GNL3L: variants seen among roughly 807,000 people sequenced by gnomAD.
GNL3L encodes the protein G protein nucleolar 3 like.
GNL3L carries 4 observed loss-of-function variants against 42.9 expected under a neutral mutation model. The ratio of observed to expected loss-of-function variants is 0.09; its 90% CI spans 0.05 to 0.21. The LOEUF is 0.21. GNL3L is among the 10% of genes least tolerant of loss of function. The pLI is 1.00. For missense variants in GNL3L, 412 were observed against 481.7 expected (o/e 0.86, Z 1.36); for synonymous variants, 159 against 176.3 (o/e 0.90, Z 0.78).
At chrX:54,540,337 G>C in intron 4 of GNL3L, 95 bp downstream of exon 4, 2 of 547,769 alleles carry the variant, frequency 3.7e-6, no homozygotes, top group Non-Finnish European at 6.4e-6. Flanking sequence ...AGAGTTGTTA[G>C]GGTTGTTGAG....
At chrX:54,595,001 T>G (rs1925915844) in intron 16 of GNL3L, among the ~76,000 whole-genome samples, 1 of 112,395 alleles carries the variant, frequency 8.9e-6, no homozygotes, top group South Asian at 3.6e-4. Context: ...CTAGTTATTA[T>G]TTTTGATTGG....
intron 14 of GNL3L, among the ~76,000 whole-genome samples, chrX:54,555,742 A>T (rs1925078350): frequency 9.8e-6 from 1 of 101,634 alleles, no homozygotes; most frequent in African/African-American, 3.7e-5. Flanking sequence ...CGGCCTCCCA[A>T]AGTGCTGGGA....
the GNL3L span, among the ~76,000 whole-genome samples, chrX:54,639,428 T>A: frequency 1.8e-5 from 2 of 112,323 alleles, no homozygotes; most frequent in African/African-American, 6.5e-5. Context: ...CCCAGTGTAC[T>A]TGCACTCGCA....
rs989750334 is a variant in GNL3L, at chrX:54,565,664, A to G, written c.*5062A>G. Reference sequence around the variant, plus strand: ...TTTTTGACATTAAGTATGTGGTGGTATCTCATCGTTTTTATTTGCATCCTC... The same window carrying G: ...TTTTTGACATTAAGTATGTGGTGGTGTCTCATCGTTTTTATTTGCATCCTC... On this transcript the variant is annotated 3_prime_UTR_variant, in exon 16 of 16. Coordinates refer to ENST00000360845, the MANE Select transcript of GNL3L (RefSeq NM_001184819.2). Among the ~76,000 whole-genome samples, 1 of 109,933 alleles carries G rather than the reference A, an allele frequency of 9.1e-6. No homozygotes were observed. The highest frequency in any genetic ancestry group is 1.9e-5 in the Non-Finnish European group (1 of 52,841).
intron 16 of GNL3L, among the ~76,000 whole-genome samples, chrX:54,593,701 T>C (rs919457855): frequency 2.7e-5 from 3 of 111,313 alleles, no homozygotes; most frequent in Non-Finnish European, 5.7e-5. Context: ...GTAAGTTGTT[T>C]AAGTTTTTCT....
rs996502210 is a variant in GNL3L, at chrX:54,562,978, C to T, written c.*2376C>T. On this transcript the variant is annotated 3_prime_UTR_variant, in exon 16 of 16. Transcript: ENST00000360845. ...TTGTGCCAGTCTCTGTTATCAAGTC[C>T]GTTAAATGCATTTAACGTTAAATTT... Among the ~76,000 whole-genome samples the T allele has an allele frequency of 2.7e-5, 3 of 110,792 alleles. No individual in the cohort carries two copies. Among genetic ancestry groups the T allele is most frequent in the Non-Finnish European group, 3.8e-5 (2 of 53,022 alleles).
At chrX:54,546,733 G>A (rs1395977348) in intron 8 of GNL3L, among the ~76,000 whole-genome samples, 2 of 111,369 alleles carry the variant, frequency 1.8e-5, no homozygotes, top group African/African-American at 6.5e-5. Flanking sequence ...TGCAACTTCT[G>A]CCTCCTGGGT....
chrX:54,607,000 CTT>C (rs1426995080), intron 16 of GNL3L, among the ~76,000 whole-genome samples: 1 of 23,774 alleles, frequency 4.2e-5, no homozygotes, highest in Non-Finnish European at 8.6e-5. Flanking sequence ...CCTTTCCTTT[CTT>C]TCTTTCTTTC....
intron 8 of GNL3L, 38 bp downstream of exon 8, chrX:54,544,364 G>A: frequency 1.4e-6 from 1 of 727,930 alleles, no homozygotes; most frequent in Non-Finnish European, 2.1e-6. Flanking sequence ...CGCTTTCAGG[G>A]TAGTTTGGGG....
chrX:54,602,780 C>T (rs1483078386), intron 16 of GNL3L, among the ~76,000 whole-genome samples: 1 of 110,939 alleles, frequency 9.0e-6, no homozygotes, highest in African/African-American at 3.3e-5. Flanking sequence ...TGCTAACAGC[C>T]GAGAGCTAGC....
At position 54,612,200 on chromosome X, in the gene GNL3L, T is replaced by C. The variant is rs765525475; in HGVS notation, c.*46-8645T>C. Among the ~76,000 whole-genome samples the C allele has an allele frequency of 1.6e-3, 179 of 112,347 alleles. 1 individual carries two copies. Among genetic ancestry groups the C allele is most frequent in the African/African-American group, 5.6e-3 (172 of 30,987 alleles). ...GTCCCTCTTTGTCTCTTCTAGCTGC[T>C]GTTGCTTTAAAATTTGTTTTGTCTG... On this transcript the variant is annotated intron_variant, in intron 16 of 16. Transcript: ENST00000674498.
At chrX:54,630,023 G>A in the GNL3L span, among the ~76,000 whole-genome samples, 119 of 110,826 alleles carry the variant, frequency 1.1e-3, no homozygotes, top group African/African-American at 3.5e-3. Flanking sequence ...TTTCCTCTAA[G>A]TTTTCTAGTT....
chrX:54,597,718 A>T (rs1228853888), intron 16 of GNL3L, among the ~76,000 whole-genome samples: 9 of 111,547 alleles, frequency 8.1e-5, no homozygotes, highest in African/African-American at 2.6e-4. Context: ...AGGAACTCAA[A>T]TTCTGACTCC....
At chrX:54,583,787 C>T (rs759641625) in intron 16 of GNL3L, among the ~76,000 whole-genome samples, 1 of 110,626 alleles carries the variant, frequency 9.0e-6, no homozygotes, top group East Asian at 2.9e-4. Flanking sequence ...GGACTACAGG[C>T]GTCTGCCACC....
intron 16 of GNL3L, among the ~76,000 whole-genome samples, chrX:54,613,901 C>T (rs1246924139): frequency 9.1e-6 from 1 of 110,123 alleles, no homozygotes; most frequent in African/African-American, 3.3e-5. Flanking sequence ...GCTGGTTGAC[C>T]TCCTGTCAGG....
intron 16 of GNL3L, among the ~76,000 whole-genome samples, chrX:54,573,541 C>CT (rs1475229205): frequency 9.1e-6 from 1 of 109,900 alleles, no homozygotes; most frequent in Non-Finnish European, 1.9e-5. Context: ...AGGGAGAGCT[C>CT]TTTTTTTCTT....
intron 9 of GNL3L, 29 bp downstream of exon 9, chrX:54,548,402 C>T (rs773136749): frequency 1.7e-6 from 2 of 1,155,672 alleles, no homozygotes; most frequent in Non-Finnish European, 2.4e-6. Flanking sequence ...TCATGGGGCT[C>T]AGGCTTCTTT....
the GNL3L span, among the ~76,000 whole-genome samples, chrX:54,638,314 T>C: frequency 9.0e-6 from 1 of 111,421 alleles, no homozygotes; most frequent in Non-Finnish European, 1.9e-5. Context: ...TTCCTGAGAA[T>C]TGCTGTAGAA....
chrX:54,570,896 A>G (rs998839761), downstream of GNL3L, among the ~76,000 whole-genome samples: 4 of 111,583 alleles, frequency 3.6e-5, no homozygotes, highest in African/African-American at 1.3e-4. Flanking sequence ...GAAAATAATT[A>G]TATACTCACA....
Sources: gnomAD v4.1 joint callset for allele counts (sites outside exome capture counted in the v4.1 genomes callset) on GRCh38, gnomAD v4.1.1 for gene constraint, MANE v1.5 for transcripts, NCBI Gene and HGNC (gene_info 2026-07-23, HGNC 2026-07-21) for gene names.